The following PTPRM variants were observed in gnomAD, a reference collection of about 807,000 sequenced individuals.
PTPRM encodes the protein receptor-type tyrosine-protein phosphatase mu.
A neutral mutation model predicts 186.7 loss-of-function variants in PTPRM; 47 were observed. The ratio of observed to expected loss-of-function variants is 0.25; its 90% CI spans 0.20 to 0.32. PTPRM has a LOEUF of 0.32. PTPRM is among the 10% of genes least tolerant of loss of function. The pLI is 1.00. For missense variants in PTPRM, 1,494 were observed against 1,865.0 expected (o/e 0.80, Z 3.66); for synonymous variants, 668 against 674.9 (o/e 0.99, Z 0.16).
At chr18:8,162,667 A>C (rs1373883888) in intron 14 of PTPRM, among the ~76,000 whole-genome samples, 2 of 152,222 alleles carry the variant, frequency 1.3e-5, no homozygotes, top group African/African-American at 4.8e-5. Flanking sequence ...CACGTGGCTG[A>C]TGATTTCTTT....
intron 23 of PTPRM, among the ~76,000 whole-genome samples, chr18:8,367,466 GTTTTC>G (rs2095638066): frequency 6.6e-6 from 1 of 152,394 alleles, no homozygotes; most frequent in South Asian, 2.1e-4. Flanking sequence ...AGCAGACGGT[GTTTTC>G]TTTTCATTGT....
chr18:7,614,217 G>A (rs1893222), intron 1 of PTPRM, among the ~76,000 whole-genome samples: 179 of 152,252 alleles, frequency 1.2e-3, no homozygotes, highest in African/African-American at 3.9e-3. Flanking sequence ...CAGACTCAGC[G>A]TAAAACAGTA....
intron 32 of PTPRM, among the ~76,000 whole-genome samples, chr18:8,401,031 C>T (rs1483826032): frequency 1.3e-5 from 2 of 151,990 alleles, no homozygotes; most frequent in African/African-American, 2.4e-5. Flanking sequence ...TTTGCTAATA[C>T]CCCATCCCCT....
At chr18:8,047,983 G>A (rs556987732) in intron 7 of PTPRM, among the ~76,000 whole-genome samples, 176 of 152,278 alleles carry the variant, frequency 1.2e-3, no homozygotes, top group African/African-American at 3.9e-3. Context: ...AAGTGAGTAT[G>A]AATCCGTCCA....
At chr18:7,820,376 C>T (rs927920808) in intron 2 of PTPRM, among the ~76,000 whole-genome samples, 7 of 152,132 alleles carry the variant, frequency 4.6e-5, no homozygotes, top group African/African-American at 7.2e-5. Context: ...TCAACAGGCA[C>T]CTCCAACTGA....
chr18:7,837,737 C>T (rs2046123631), intron 2 of PTPRM, among the ~76,000 whole-genome samples: 1 of 152,324 alleles, frequency 6.6e-6, no homozygotes, highest in South Asian at 2.1e-4. Flanking sequence ...GCCACTGCAC[C>T]TGGCCAACAC....
At chr18:8,265,226 G>C (rs2094686301) in intron 19 of PTPRM, among the ~76,000 whole-genome samples, 2 of 152,194 alleles carry the variant, frequency 1.3e-5, no homozygotes, top group African/African-American at 4.8e-5. Flanking sequence ...ATCTCACTCA[G>C]GGTCTCAGCT....
At chr18:8,380,250 C>T in intron 28 of PTPRM, 46 bp from the exon 29 acceptor site, 1 of 1,589,394 alleles carries the variant, frequency 6.3e-7, no homozygotes, top group African/African-American at 1.3e-5. Context: ...TTCTTCTCTT[C>T]CCATTTTCCT....
intron 7 of PTPRM, among the ~76,000 whole-genome samples, chr18:7,973,806 A>G (rs968223382): frequency 5.9e-5 from 9 of 152,156 alleles, no homozygotes; most frequent in African/African-American, 2.2e-4. Flanking sequence ...ATCTTGGTAG[A>G]TGTCTACATA....
At chr18:7,869,211 T>G (rs189862609) in intron 2 of PTPRM, among the ~76,000 whole-genome samples, 6 of 152,304 alleles carry the variant, frequency 3.9e-5, no homozygotes, top group Non-Finnish European at 8.8e-5. Context: ...TGAACAGTTC[T>G]GTCTTACTGT....
chr18:8,004,267 G>T (rs1242711680), intron 7 of PTPRM, among the ~76,000 whole-genome samples: 10 of 152,114 alleles, frequency 6.6e-5, no homozygotes, highest in Admixed American at 6.6e-4. Context: ...TTATGAAAGG[G>T]ATCCATAGAA....
intron 1 of PTPRM, among the ~76,000 whole-genome samples, chr18:7,596,319 G>A (rs2037258784): frequency 6.6e-6 from 1 of 152,130 alleles, no homozygotes; most frequent in South Asian, 2.1e-4. Flanking sequence ...ATTTCATCAC[G>A]CTACTCAGAA....
At chr18:8,186,124 A>C (rs1264241462) in intron 14 of PTPRM, among the ~76,000 whole-genome samples, 2 of 152,066 alleles carry the variant, frequency 1.3e-5, no homozygotes, top group Non-Finnish European at 2.9e-5. Flanking sequence ...TCAAGAGATC[A>C]AGACCATCCT....
At chr18:8,340,725 C>T (rs1465057736) in intron 22 of PTPRM, among the ~76,000 whole-genome samples, 1 of 152,152 alleles carries the variant, frequency 6.6e-6, no homozygotes, top group Non-Finnish European at 1.5e-5. Context: ...AGTTACAACT[C>T]CATAGGAGAG....
At position 8,130,092 on chromosome 18, in the gene PTPRM, T is replaced by G. The variant is rs1171185649; in HGVS notation, c.2168-13555T>G. Reference sequence around the variant, plus strand: ...TCACCTACCTCCCCATTCTGCAACATGCACATACTACTTTTCTACTTTTAG... The same window carrying G: ...TCACCTACCTCCCCATTCTGCAACAGGCACATACTACTTTTCTACTTTTAG... On this transcript the variant is annotated intron_variant, in intron 13 of 32. Transcript: ENST00000580170. Among the ~76,000 whole-genome samples, 4 of 152,218 alleles carry G rather than the reference T, an allele frequency of 2.6e-5. No homozygotes were observed. In the East Asian group the frequency reaches 5.8e-4, roughly 22 times the overall value.
At chr18:7,927,866 A>G (rs576575641) in intron 5 of PTPRM, among the ~76,000 whole-genome samples, 138 of 152,134 alleles carry the variant, frequency 9.1e-4, no homozygotes, top group African/African-American at 3.2e-3. Flanking sequence ...TCAGCCTCCC[A>G]AGTAGCTGGT....
At chr18:8,063,029 G>T (rs1429978598) in intron 7 of PTPRM, among the ~76,000 whole-genome samples, 1 of 151,034 alleles carries the variant, frequency 6.6e-6, no homozygotes, top group Non-Finnish European at 1.5e-5. Context: ...AATCAAGCCT[G>T]GGCAATGGCG....
intron 7 of PTPRM, among the ~76,000 whole-genome samples, chr18:7,991,631 A>C (rs999185999): frequency 6.6e-6 from 1 of 152,168 alleles, no homozygotes. Context: ...TTCAGTAGCA[A>C]CCCAATCTAG....
intron 7 of PTPRM, among the ~76,000 whole-genome samples, chr18:7,964,948 T>C (rs1478717285): frequency 6.6e-6 from 1 of 152,068 alleles, no homozygotes; most frequent in Non-Finnish European, 1.5e-5. Context: ...TATGCTGTGG[T>C]TGTGGATGTG....
Sources: gnomAD v4.1 joint callset for allele counts (sites outside exome capture counted in the v4.1 genomes callset) on GRCh38, gnomAD v4.1.1 for gene constraint, MANE v1.5 for transcripts, NCBI Gene and HGNC (gene_info 2026-07-23, HGNC 2026-07-21) for gene names.